The following KMT2C variants were observed in gnomAD, a reference collection of about 807,000 sequenced individuals.
KMT2C encodes histone-lysine N-methyltransferase 2C.
In KMT2C, 88 loss-of-function variants were observed where a neutral mutation model predicts 507.9. The observed-to-expected ratio is 0.17, with a 90% CI of 0.15 to 0.21. The LOEUF is 0.21. Ranked by LOEUF, KMT2C falls within the 10% of genes least tolerant of loss-of-function variation. KMT2C has a pLI of 1.00. For missense variants in KMT2C, 4,954 were observed against 5,957.8 expected (o/e 0.83, Z 5.55); for synonymous variants, 2,049 against 2,080.8 (o/e 0.98, Z 0.42).
At chr7:152,157,272 G>A (rs1449333567) in intron 44 of KMT2C, among the ~76,000 whole-genome samples, 4 of 148,030 alleles carry the variant, frequency 2.7e-5, no homozygotes, top group African/African-American at 1.0e-4. Flanking sequence ...AGATTGCAGG[G>A]AGCTGAGATT....
intron 49 of KMT2C, among the ~76,000 whole-genome samples, chr7:152,152,499 A>G (rs780084831): frequency 6.6e-6 from 1 of 152,202 alleles, no homozygotes; most frequent in Non-Finnish European, 1.5e-5. Context: ...GCCCCTGGTG[A>G]CAGCATGACA....
intron 1 of KMT2C, among the ~76,000 whole-genome samples, chr7:152,371,338 T>C (rs1457203140): frequency 6.6e-6 from 1 of 152,134 alleles, no homozygotes; most frequent in Admixed American, 6.5e-5. Context: ...CACTATAAGA[T>C]GTTTTATGTA....
chr7:152,426,509 T>C (rs539079726), intron 1 of KMT2C, among the ~76,000 whole-genome samples: 1 of 152,244 alleles, frequency 6.6e-6, no homozygotes, highest in South Asian at 2.1e-4. Flanking sequence ...AGCACTGGGA[T>C]TACAGGTGTG....
intron 1 of KMT2C, among the ~76,000 whole-genome samples, chr7:152,434,505 A>G (rs548856896): frequency 2.6e-5 from 4 of 152,326 alleles, no homozygotes; most frequent in Admixed American, 2.0e-4. Context: ...CACCCGAACC[A>G]AAGAAACAGC....
chr7:152,410,026 A>C (rs1412122685), intron 1 of KMT2C, among the ~76,000 whole-genome samples: 3 of 152,402 alleles, frequency 2.0e-5, no homozygotes, highest in Middle Eastern at 3.4e-3. Context: ...TATTCTCATT[A>C]CTCTTAAATC....
rs185334684 is a variant in KMT2C at position 152,156,051 on chromosome 7, T to C, written c.11819A>G (p.Lys3940Arg). 23 of 1,597,530 alleles carry C rather than the reference T, an allele frequency of 1.4e-5. No individual in the cohort carries two copies. Among genetic ancestry groups the C allele is most frequent in the East Asian group, 2.2e-5 (1 of 44,728 alleles). The stretch of plus-strand genomic sequence containing the variant: ...CTGAAATGGTTTAGGTCCTAGAGTT[T>C]TGGTAACTGGAAAAGCAAAAACACA... ...AGVLVSHEVT[K>R]TLGPKPFQLP... is the part of the protein sequence containing the mutation. Residue 3940 changes from lysine (K) to arginine (R), a missense_variant, in exon 46 of 59, where the codon AAA becomes AGA. This residue lies in a region of KMT2C where 104 missense variants were observed against 134.3 expected (regional missense o/e 0.77). Coordinates refer to ENST00000262189, the MANE Select transcript of KMT2C (RefSeq NM_170606.3).
chr7:152,416,942 AG>A (rs1186581534), intron 1 of KMT2C, among the ~76,000 whole-genome samples: 1 of 148,496 alleles, frequency 6.7e-6, no homozygotes, highest in Non-Finnish European at 1.5e-5. Flanking sequence ...CCAGCTATTC[AG>A]GGCGCTGACA....
At chr7:152,377,822 T>C (rs1465253973) in intron 1 of KMT2C, among the ~76,000 whole-genome samples, 2 of 151,722 alleles carry the variant, frequency 1.3e-5, no homozygotes, top group Admixed American at 1.3e-4. Context: ...CCACCGTAGA[T>C]GTCATTAAGA....
chr7:152,284,204 A>G (rs1447573611), intron 6 of KMT2C, among the ~76,000 whole-genome samples: 1 of 151,968 alleles, frequency 6.6e-6, no homozygotes, highest in African/African-American at 2.4e-5. Context: ...AAACATAAAT[A>G]TCAACTCATG....
intron 32 of KMT2C, 83 bp from the exon 33 acceptor site, chr7:152,187,559 A>G: frequency 7.0e-7 from 1 of 1,430,536 alleles, no homozygotes; most frequent in South Asian, 1.3e-5. Flanking sequence ...ATTAAAACCT[A>G]TTACAAAACA....
rs532902914 is a variant in KMT2C, at chr7:152,399,373, A to G, written c.161+36253T>C. 2.0e-5 allele frequency among the ~76,000 whole-genome samples: 3 copies of G among 152,304 alleles called. No homozygotes were observed. The East Asian group carries it at 5.8e-4, about 29-fold the overall frequency. ...CAGTAGTTTAAAAAAATTTAAAGCC[A>G]AATTATTATTAAAAAACAAAGTAAA... On this transcript the variant is annotated intron_variant, in intron 1 of 58. Transcript: ENST00000262189.
chr7:152,333,486 T>C (rs2096903201), intron 2 of KMT2C, among the ~76,000 whole-genome samples: 1 of 152,210 alleles, frequency 6.6e-6, no homozygotes, highest in African/African-American at 2.4e-5. Context: ...CTGGACTTTA[T>C]GATTTGTAAG....
At chr7:152,141,895 G>A (rs921623324) in intron 55 of KMT2C, among the ~76,000 whole-genome samples, 2 of 151,872 alleles carry the variant, frequency 1.3e-5, no homozygotes, top group African/African-American at 2.4e-5. Context: ...TGTGGCATGC[G>A]CCTGTAGCCC....
chr7:152,291,302 A>C (rs1467410127), intron 6 of KMT2C, among the ~76,000 whole-genome samples: 17 of 152,182 alleles, frequency 1.1e-4, no homozygotes, highest in African/African-American at 4.1e-4. Flanking sequence ...TATCTAACAA[A>C]AATTCATAGG....
At chr7:152,232,247 A>C (rs1439782054) in intron 16 of KMT2C, among the ~76,000 whole-genome samples, 1 of 152,236 alleles carries the variant, frequency 6.6e-6, no homozygotes, top group African/African-American at 2.4e-5. Flanking sequence ...AACCCTAATG[A>C]CTACAAGTGT....
intron 6 of KMT2C, among the ~76,000 whole-genome samples, chr7:152,280,317 C>T (rs112874704): frequency 6.6e-6 from 1 of 151,486 alleles, no homozygotes; most frequent in Non-Finnish European, 1.5e-5. Context: ...CCAAGGCAGG[C>T]GGATCACGAG....
chr7:152,238,332 A>G (rs1216336881), intron 15 of KMT2C, among the ~76,000 whole-genome samples: 1 of 152,176 alleles, frequency 6.6e-6, no homozygotes, highest in Non-Finnish European at 1.5e-5. Context: ...ATATGCCACA[A>G]TTTTGGTATT....
intron 16 of KMT2C, among the ~76,000 whole-genome samples, chr7:152,235,142 G>A (rs2095239894): frequency 6.6e-6 from 1 of 151,204 alleles, no homozygotes; most frequent in African/African-American, 2.4e-5. Flanking sequence ...ATTACAGAGG[G>A]GCATGAAGAA....
At chr7:152,150,715 T>C (rs962280753) in intron 51 of KMT2C, among the ~76,000 whole-genome samples, 185 bp downstream of exon 51, 3 of 152,024 alleles carry the variant, frequency 2.0e-5, no homozygotes. Context: ...AATAACTAAG[T>C]TGAAAGAGTA....
Sources: gnomAD v4.1 joint callset for allele counts (sites outside exome capture counted in the v4.1 genomes callset) on GRCh38, gnomAD v4.1.1 for gene constraint, gnomAD v4.1.1 regional missense constraint, MANE v1.5 for transcripts, NCBI Gene and HGNC (gene_info 2026-07-23, HGNC 2026-07-21) for gene names.